NREP: variants seen among roughly 807,000 people sequenced by gnomAD.
NREP encodes neuronal regeneration-related protein.
NREP carries 5 observed loss-of-function variants against 8.6 expected under a neutral mutation model. The ratio of observed to expected loss-of-function variants is 0.58; its 90% CI spans 0.30 to 1.22. The LOEUF is 1.22. NREP is among the 50% of genes most tolerant of loss of function. NREP has a pLI of 0.07. For synonymous variants in NREP, 27 were observed against 28.0 expected, an observed-to-expected ratio of 0.96 and a Z score of 0.11; for missense variants, 86 against 82.5, an observed-to-expected ratio of 1.04 and a Z score of -0.17.
At chr5:111,796,463 C>T (rs185661270) in intron 2 of NREP, among the ~76,000 whole-genome samples, 1 of 152,102 alleles carries the variant, frequency 6.6e-6, no homozygotes, top group Non-Finnish European at 1.5e-5. Context: ...CCTATCACAA[C>T]CACTATATTA....
chr5:111,888,910 G>C (rs1754326226), intron 2 of NREP, among the ~76,000 whole-genome samples: 1 of 152,182 alleles, frequency 6.6e-6, no homozygotes, highest in African/African-American at 2.4e-5. Context: ...AAGAGAACAA[G>C]AGTGGGGTTG....
At chr5:111,750,576 A>T (rs3822667) in intron 2 of NREP, among the ~76,000 whole-genome samples, 1 of 152,092 alleles carries the variant, frequency 6.6e-6, no homozygotes, top group East Asian at 1.9e-4. Context: ...CCTTCTTAAT[A>T]TAAGTTTTCC....
intron 2 of NREP, among the ~76,000 whole-genome samples, chr5:111,912,184 A>T (rs749105008): frequency 6.6e-6 from 1 of 152,052 alleles, no homozygotes; most frequent in Non-Finnish European, 1.5e-5. Flanking sequence ...TTCGTATGGT[A>T]ACATTCTCCA....
chr5:111,775,376 A>T (rs1751332036), intron 2 of NREP, among the ~76,000 whole-genome samples: 1 of 152,198 alleles, frequency 6.6e-6, no homozygotes, highest in African/African-American at 2.4e-5. Flanking sequence ...GCCCTAGGGT[A>T]GCAGGAGGCA....
At chr5:111,779,174 A>T (rs1751432367) in intron 2 of NREP, among the ~76,000 whole-genome samples, 1 of 152,186 alleles carries the variant, frequency 6.6e-6, no homozygotes, top group South Asian at 2.1e-4. Flanking sequence ...ACTTGGCTAC[A>T]AACTAGCTGA....
intron 2 of NREP, among the ~76,000 whole-genome samples, chr5:111,888,273 A>G (rs1754309473): frequency 6.6e-6 from 1 of 152,124 alleles, no homozygotes; most frequent in East Asian, 1.9e-4. Flanking sequence ...CTGTGAAGAG[A>G]TACCTGAGAC....
intron 2 of NREP, among the ~76,000 whole-genome samples, chr5:111,738,143 T>A (rs1217077175): frequency 2.0e-5 from 3 of 152,210 alleles, no homozygotes; most frequent in African/African-American, 4.8e-5. Flanking sequence ...GCACAGCTAG[T>A]TTTAAGAAAC....
chr5:111,919,536 T>G (rs985583408), intron 2 of NREP, among the ~76,000 whole-genome samples: 1 of 152,082 alleles, frequency 6.6e-6, no homozygotes, highest in Non-Finnish European at 1.5e-5. Flanking sequence ...TGGAATACTA[T>G]GCAGCCATAA....
chr5:111,827,462 G>A (rs1339496400), intron 2 of NREP, among the ~76,000 whole-genome samples: 1 of 152,204 alleles, frequency 6.6e-6, no homozygotes, highest in Non-Finnish European at 1.5e-5. Flanking sequence ...AAGTTACTGA[G>A]GAACCAGGCT....
At position 111,901,343 on chromosome 5, in the gene NREP, G is replaced by T. The variant is rs75085016; in HGVS notation, c.135+73931C>A. 0.02 allele frequency among the ~76,000 whole-genome samples: 3,116 copies of T among 152,160 alleles called. 189 individuals carry two copies. The East Asian group carries it at 0.24, about 11-fold the overall frequency. Reference sequence around the variant, plus strand: ...AACACATTAGGCATCAAAGGAAGCTGATATATGACAAACTCACAGCTAACA... The same window carrying T: ...AACACATTAGGCATCAAAGGAAGCTTATATATGACAAACTCACAGCTAACA... On this transcript the variant is annotated intron_variant, in intron 2 of 3. Transcript: ENST00000395634.
At chr5:111,913,055 A>G (rs1194950819) in intron 2 of NREP, among the ~76,000 whole-genome samples, 2 of 152,158 alleles carry the variant, frequency 1.3e-5, no homozygotes, top group Admixed American at 1.3e-4. Context: ...CCTACTGTAC[A>G]GCAGCCAATA....
In NREP at chr5:111,944,396, C is replaced by T. The variant is rs563473407; in HGVS notation, c.135+30878G>A. On this transcript the variant is annotated intron_variant, in intron 2 of 3. Coordinates refer to the NREP transcript ENST00000395634. ...AATCTTGGCTTACTGCAGCCTCAAC[C>T]TCCTGGGCTCAGGCAATCCCTCCAC... 3.3e-5 allele frequency among the ~76,000 whole-genome samples: 5 copies of T among 152,208 alleles called. No homozygotes were observed. The East Asian group carries it at 9.7e-4, about 30-fold the overall frequency.
intron 2 of NREP, among the ~76,000 whole-genome samples, chr5:111,958,318 A>G (rs1756385288): frequency 2.0e-5 from 3 of 151,934 alleles, no homozygotes; most frequent in African/African-American, 7.2e-5. Context: ...AAAAAATTGG[A>G]CATAAATCCC....
At chr5:111,867,244 C>T (rs1249131143) in intron 2 of NREP, among the ~76,000 whole-genome samples, 1 of 151,990 alleles carries the variant, frequency 6.6e-6, no homozygotes, top group African/African-American at 2.4e-5. Flanking sequence ...AAACAACAGA[C>T]ATTGATTTTC....
intron 2 of NREP, among the ~76,000 whole-genome samples, chr5:111,792,833 G>C (rs1027761578): frequency 6.6e-6 from 1 of 152,176 alleles, no homozygotes; most frequent in Non-Finnish European, 1.5e-5. Context: ...CTTTATGTGT[G>C]TCATTTAAAA....
At chr5:111,811,997 A>G (rs1219899307) in intron 2 of NREP, among the ~76,000 whole-genome samples, 2 of 152,186 alleles carry the variant, frequency 1.3e-5, no homozygotes, top group African/African-American at 4.8e-5. Context: ...TGCAAAAAAT[A>G]TCAAACTTGG....
chr5:111,739,393 G>A (rs1472027084), intron 2 of NREP: 1 of 152,192 alleles, frequency 6.6e-6, no homozygotes, highest in Non-Finnish European at 1.5e-5. Flanking sequence ...AGCTCCTAGG[G>A]GCCACAGCAG....
At chr5:111,944,500 G>A (rs529881984) in intron 2 of NREP, among the ~76,000 whole-genome samples, 53 of 152,156 alleles carry the variant, frequency 3.5e-4, no homozygotes, top group East Asian at 1.4e-3. Flanking sequence ...TAGAGATGAC[G>A]TCTTGCCATG....
intron 2 of NREP, among the ~76,000 whole-genome samples, chr5:111,775,531 C>T (rs1044823186): frequency 6.6e-6 from 1 of 152,152 alleles, no homozygotes; most frequent in Non-Finnish European, 1.5e-5. Flanking sequence ...CTGCCAATTA[C>T]TTTTATACAT....
Sources: gnomAD v4.1 joint callset for allele counts (sites outside exome capture counted in the v4.1 genomes callset) on GRCh38, gnomAD v4.1.1 for gene constraint, MANE v1.5 for transcripts, NCBI Gene and HGNC (gene_info 2026-07-23, HGNC 2026-07-21) for gene names.